Variants in MAP4K3 observed in about 807,000 individuals in gnomAD.
MAP4K3 encodes the protein mitogen-activated protein kinase kinase kinase kinase 3, also known as MAPK/ERK kinase kinase kinase 3.
Under a neutral mutation model 143.5 loss-of-function variants are expected in MAP4K3, and 94 were observed. The observed-to-expected ratio is 0.65, with a 90% CI of 0.55 to 0.78. MAP4K3 has a LOEUF of 0.78. MAP4K3 is among the 30% of genes least tolerant of loss of function. MAP4K3 has a pLI of 0.00. For synonymous variants in MAP4K3, 416 were observed against 347.2 expected (o/e 1.20, Z -2.20); for missense variants, 1,077 against 1,068.1 (o/e 1.01, Z -0.12).
At chr2:39,308,305 A>C (rs927387849) in intron 14 of MAP4K3, among the ~76,000 whole-genome samples, 3 of 152,330 alleles carry the variant, frequency 2.0e-5, no homozygotes, top group Admixed American at 2.0e-4. Flanking sequence ...AAATATCATG[A>C]CTACTTTTTC....
chr2:39,263,400 G>C (rs1429867641), intron 28 of MAP4K3, among the ~76,000 whole-genome samples: 1 of 149,396 alleles, frequency 6.7e-6, no homozygotes, highest in Non-Finnish European at 1.5e-5. Flanking sequence ...AGCCTCCCGA[G>C]TAGCTGGGAC....
At chr2:39,254,029 T>G (rs1051234524) in intron 32 of MAP4K3, among the ~76,000 whole-genome samples, 1 of 152,204 alleles carries the variant, frequency 6.6e-6, no homozygotes, top group Admixed American at 6.5e-5. Flanking sequence ...TAAGTGGGCT[T>G]CCAGAGAAAT....
rs569853497 is a variant in MAP4K3, at chr2:39,326,137, T to C, written c.662+9A>G. The stretch of plus-strand genomic sequence containing the variant: ...TAAGCGTAAGATTCTTCAATGATGA[T>C]GCACTGACCTCATTGGGTGTAAGTC... On this transcript the variant is annotated intron_variant, in intron 9 of 33. Coordinates refer to ENST00000263881, the MANE Select transcript of MAP4K3 (RefSeq NM_003618.4). 1.2e-6 allele frequency: 2 copies of C among 1,610,200 alleles called. No individual in the cohort carries two copies. The highest frequency in any genetic ancestry group is 1.7e-5 in the Admixed American group (1 of 59,212).
chr2:39,423,219 A>G (rs984255235), intron 1 of MAP4K3, among the ~76,000 whole-genome samples: 1 of 152,246 alleles, frequency 6.6e-6, no homozygotes, highest in Non-Finnish European at 1.5e-5. Context: ...ACAATGCGGT[A>G]GCACTACACA....
chr2:39,412,256 C>T (rs1018500186), intron 1 of MAP4K3, among the ~76,000 whole-genome samples: 2 of 152,158 alleles, frequency 1.3e-5, no homozygotes, highest in Non-Finnish European at 2.9e-5. Context: ...TACAGGAGAT[C>T]GCGCCACACC....
chr2:39,304,943 T>C (rs1482269224), intron 15 of MAP4K3, among the ~76,000 whole-genome samples: 1 of 152,160 alleles, frequency 6.6e-6, no homozygotes, highest in Non-Finnish European at 1.5e-5. Flanking sequence ...TTATGCTAAG[T>C]AGTGAGCCAG....
At chr2:39,402,198 G>C (rs1445060213) in intron 1 of MAP4K3, among the ~76,000 whole-genome samples, 3 of 152,168 alleles carry the variant, frequency 2.0e-5, no homozygotes, top group Non-Finnish European at 2.9e-5. Context: ...TCAGACACCA[G>C]AAAAGATTAG....
intron 15 of MAP4K3, among the ~76,000 whole-genome samples, chr2:39,306,614 A>C (rs1263291124): frequency 1.3e-5 from 2 of 152,164 alleles, no homozygotes; most frequent in Non-Finnish European, 2.9e-5. Context: ...CCTCTTTGAT[A>C]ATTTAAATCT....
intron 15 of MAP4K3, among the ~76,000 whole-genome samples, chr2:39,306,358 A>G (rs1289432555): frequency 6.6e-6 from 1 of 152,176 alleles, no homozygotes; most frequent in Non-Finnish European, 1.5e-5. Flanking sequence ...CTTGGCCCCT[A>G]TGGGTTAATT....
chr2:39,269,112 C>CT (rs34649274), intron 26 of MAP4K3, among the ~76,000 whole-genome samples: 14 of 148,916 alleles, frequency 9.4e-5, no homozygotes, highest in South Asian at 6.4e-4. Flanking sequence ...CTGTACAAGT[C>CT]TTTTTTTTTT....
At chr2:39,378,989 C>T (rs1364345589) in intron 1 of MAP4K3, among the ~76,000 whole-genome samples, 1 of 151,968 alleles carries the variant, frequency 6.6e-6, no homozygotes. Context: ...TCAGAACTTT[C>T]AATTTGATAT....
chr2:39,282,605 T>C (rs758963052), intron 21 of MAP4K3, 51 bp from the exon 22 acceptor site: 35 of 1,188,104 alleles, frequency 2.9e-5, no homozygotes, highest in South Asian at 2.3e-4. Flanking sequence ...CTGTTTGATA[T>C]AATAATACTG....
chr2:39,251,782 T>TA lies in MAP4K3; in HGVS notation c.2597+47dup, dbSNP rs762577138. On this transcript the variant is annotated intron_variant, in intron 33 of 33. Coordinates refer to ENST00000263881, the MANE Select transcript of MAP4K3 (RefSeq NM_003618.4). ...AAAGAAATCTGTTTCATGCTGGATC[T>TA]ATAAAACACGTTTAGTACTGTGTAT... 9 of 1,444,184 alleles carry TA rather than the reference T, an allele frequency of 6.2e-6. No individual in the cohort carries two copies. In the South Asian group the frequency reaches 9.5e-5, roughly 15 times the overall value. The allele number at this position is 1,444,184 out of a possible 1,614,324, so 89.5% of individuals were successfully genotyped here.
rs146944175 is a variant in MAP4K3, at chr2:39,386,103, G to C, written c.97-7980C>G. Among the ~76,000 whole-genome samples, 669 of 152,260 alleles carry C rather than the reference G, an allele frequency of 4.4e-3. 6 individuals carry two copies. The highest frequency in any genetic ancestry group is 0.027 in the Middle Eastern group (8 of 294). ...AAGGGCATTTGAAGAGGTAATTAAG[G>C]TTAAATAAGTTATATGGGTTGGCCC... is the stretch of plus-strand genomic sequence containing the variant. On this transcript the variant is annotated intron_variant, in intron 1 of 33. Coordinates refer to ENST00000263881, the MANE Select transcript of MAP4K3 (RefSeq NM_003618.4).
At chr2:39,335,988 A>C (rs2148526569) in intron 6 of MAP4K3, among the ~76,000 whole-genome samples, 1 of 152,318 alleles carries the variant, frequency 6.6e-6, no homozygotes, top group Admixed American at 6.5e-5. Context: ...AAAGGGGAAG[A>C]GAGAAATATG....
At chr2:39,273,866 C>T (rs1681138288) in intron 24 of MAP4K3, among the ~76,000 whole-genome samples, 1 of 152,164 alleles carries the variant, frequency 6.6e-6, no homozygotes, top group Non-Finnish European at 1.5e-5. Context: ...AAAATTGGGA[C>T]TTCATTGGCT....
chr2:39,288,913 G>A (rs188169427), intron 19 of MAP4K3, among the ~76,000 whole-genome samples: 4 of 152,132 alleles, frequency 2.6e-5, no homozygotes, highest in African/African-American at 4.8e-5. Flanking sequence ...TTAGCTGGGC[G>A]TGGTGGCGGG....
chr2:39,336,464 TC>T (rs975179786), intron 6 of MAP4K3, among the ~76,000 whole-genome samples: 2 of 88,068 alleles, frequency 2.3e-5, no homozygotes, highest in African/African-American at 9.6e-5. Flanking sequence ...AGAGCGAGAC[TC>T]CATCTCAAAA....
Position 39,288,142 on chromosome 2 carries a change from G to T in MAP4K3, c.1453C>A (p.Pro485Thr). Residue 485 changes from proline to threonine, a missense_variant, in exon 20 of 34, where the codon CCA becomes ACA. Around this residue, in one of 2 missense-constraint regions of MAP4K3, gnomAD observed 864 missense variants for 801.2 expected, o/e 1.08. Transcript: ENST00000263881. The part of the protein sequence containing the change: ...PPRPPPPRLP[P>T]HKPVALGNGM... The stretch of plus-strand genomic sequence containing the variant: ...TTACCTAAGGCAACAGGTTTGTGTG[G>T]GGGTAATCTGGGAGGTGGTGGTCTA... 1 of 1,614,090 alleles carries T rather than the reference G, an allele frequency of 6.2e-7. No individual in the cohort carries two copies. Among genetic ancestry groups the T allele is most frequent in the Non-Finnish European group, 8.5e-7 (1 of 1,180,004 alleles).
Sources: gnomAD v4.1 joint callset for allele counts (sites outside exome capture counted in the v4.1 genomes callset) on GRCh38, gnomAD v4.1.1 for gene constraint, gnomAD v4.1.1 regional missense constraint, MANE v1.5 for transcripts, NCBI Gene and HGNC (gene_info 2026-07-23, HGNC 2026-07-21) for gene names.